The following MAGI2 variants were observed in gnomAD, a reference collection of about 807,000 sequenced individuals.
The protein encoded by MAGI2 is membrane associated guanylate kinase, WW and PDZ domain containing 2, also known as membrane-associated guanylate kinase, WW and PDZ domain-containing protein 2.
In MAGI2, 35 loss-of-function variants were observed where a neutral mutation model predicts 133.3. The ratio of observed to expected loss-of-function variants is 0.26; its 90% CI spans 0.20 to 0.35. The LOEUF (loss-of-function observed/expected upper bound fraction) is 0.35. MAGI2 is among the 10% of genes least tolerant of loss of function. The pLI, the probability that MAGI2 is intolerant of heterozygous loss-of-function variation, is 1.00. For synonymous variants in MAGI2, 729 were observed against 710.6 expected, an observed-to-expected ratio of 1.03 and a Z score of -0.41; for missense variants, 1,636 against 1,863.4, an observed-to-expected ratio of 0.88 and a Z score of 2.25.
chr7:78,035,625 G>A (rs2151072425), intron 21 of MAGI2, among the ~76,000 whole-genome samples: 1 of 152,186 alleles, frequency 6.6e-6, no homozygotes, highest in African/African-American at 2.4e-5. Context: ...TTTCCTTAAA[G>A]TGAGATGTTA....
In MAGI2 at chr7:79,136,452, G is replaced by T. The variant is rs373679440; in HGVS notation, c.302-129246C>A. ...GTGAACATTCAAGGACTAGCACCTT[G>T]TCTCCCATATGTTCAGCCTAATTCC... On this transcript the variant is annotated intron_variant, in intron 1 of 21. Transcript: ENST00000354212. Among the ~76,000 whole-genome samples the T allele has an allele frequency of 3.3e-5, 5 of 152,278 alleles. No individual in the cohort carries two copies. In the East Asian group the frequency reaches 7.7e-4, roughly 24 times the overall value.
intron 1 of MAGI2, among the ~76,000 whole-genome samples, chr7:79,141,621 A>G (rs1266917233): frequency 6.6e-6 from 1 of 152,150 alleles, no homozygotes; most frequent in Non-Finnish European, 1.5e-5. Flanking sequence ...TCTTACTTCA[A>G]TAATCAATGC....
At chr7:78,618,120 A>G (rs1310258328) in intron 3 of MAGI2, 1 of 152,068 alleles carries the variant, frequency 6.6e-6, no homozygotes, top group East Asian at 1.9e-4. Context: ...CCATTGAGAA[A>G]GACTAGGGTA....
intron 2 of MAGI2, among the ~76,000 whole-genome samples, chr7:78,727,631 G>A (rs1820946287): frequency 1.3e-5 from 2 of 152,192 alleles, no homozygotes; most frequent in Non-Finnish European, 2.9e-5. Flanking sequence ...ACAACATGAA[G>A]GATATTGTGA....
At chr7:78,396,139 AC>A (rs904586267) in intron 6 of MAGI2, among the ~76,000 whole-genome samples, 13 of 152,150 alleles carry the variant, frequency 8.5e-5, no homozygotes, top group Non-Finnish European at 1.6e-4. Flanking sequence ...TTTTAAAGCA[AC>A]CCTTTTAAGA....
At chr7:78,397,738 G>A (rs74498853) in intron 6 of MAGI2, among the ~76,000 whole-genome samples, 10,517 of 152,054 alleles carry the variant, frequency 0.069, 397 homozygotes, top group South Asian at 0.094. Flanking sequence ...CTCCAGTTTC[G>A]CTTCTCACAT....
At chr7:78,844,580 A>G (rs981698805) in intron 2 of MAGI2, among the ~76,000 whole-genome samples, 6 of 151,934 alleles carry the variant, frequency 3.9e-5, no homozygotes, top group African/African-American at 1.4e-4. Context: ...TTTGTATGAA[A>G]TGTCTGGAAT....
At chr7:78,404,348 C>A (rs1469672289) in intron 6 of MAGI2, among the ~76,000 whole-genome samples, 1 of 152,122 alleles carries the variant, frequency 6.6e-6, no homozygotes, top group Non-Finnish European at 1.5e-5. Flanking sequence ...CAAAAATGAG[C>A]CTGCATTGCC....
At chr7:79,090,352 C>T (rs1486828513) in intron 1 of MAGI2, among the ~76,000 whole-genome samples, 1 of 151,802 alleles carries the variant, frequency 6.6e-6, no homozygotes, top group Non-Finnish European at 1.5e-5. Flanking sequence ...AATGTCTCTC[C>T]ATAATATAAT....
At chr7:78,617,125 A>G (rs1807188604) in intron 3 of MAGI2, 1 of 152,160 alleles carries the variant, frequency 6.6e-6, no homozygotes, top group Non-Finnish European at 1.5e-5. Flanking sequence ...TTGGATGAAT[A>G]TCATAAAGTG....
At chr7:78,887,712 T>G (rs765809866) in intron 2 of MAGI2, among the ~76,000 whole-genome samples, 3 of 152,194 alleles carry the variant, frequency 2.0e-5, no homozygotes, top group African/African-American at 7.2e-5. Flanking sequence ...GAAGAAAATG[T>G]AGACTTACAG....
At chr7:78,322,304 T>C (rs1311399245) in intron 9 of MAGI2, among the ~76,000 whole-genome samples, 3 of 152,166 alleles carry the variant, frequency 2.0e-5, no homozygotes, top group Non-Finnish European at 1.5e-5. Flanking sequence ...TAAAGACACA[T>C]TCACCCATAT....
chr7:79,197,737 C>T (rs1051015626), intron 1 of MAGI2, among the ~76,000 whole-genome samples: 4 of 151,844 alleles, frequency 2.6e-5, no homozygotes, highest in South Asian at 2.1e-4. Context: ...AAGGCTGTAC[C>T]GACTCCATGT....
intron 1 of MAGI2, among the ~76,000 whole-genome samples, chr7:79,324,613 A>ATG (rs1839489565): frequency 1.1e-5 from 1 of 93,534 alleles, no homozygotes; most frequent in African/African-American, 4.3e-5. Flanking sequence ...TATAAAAAAT[A>ATG]TATATAATAT....
At chr7:78,769,757 C>A (rs1470153019) in intron 2 of MAGI2, among the ~76,000 whole-genome samples, 1 of 152,120 alleles carries the variant, frequency 6.6e-6, no homozygotes. Flanking sequence ...AGCCAGTCAC[C>A]CTCACAGAAC....
intron 3 of MAGI2, among the ~76,000 whole-genome samples, chr7:78,592,552 A>C (rs1367895352): frequency 6.6e-6 from 1 of 152,224 alleles, no homozygotes; most frequent in African/African-American, 2.4e-5. Context: ...CATTTGAAAG[A>C]AAACAATAAA....
At chr7:78,810,589 A>G (rs1430706486) in intron 2 of MAGI2, among the ~76,000 whole-genome samples, 3 of 152,132 alleles carry the variant, frequency 2.0e-5, no homozygotes, top group African/African-American at 7.2e-5. Flanking sequence ...AGAAATATTT[A>G]ACTCTGAATT....
chr7:79,391,150 T>G (rs1388648702), intron 1 of MAGI2, among the ~76,000 whole-genome samples: 1 of 152,052 alleles, frequency 6.6e-6, no homozygotes, highest in African/African-American at 2.4e-5. Flanking sequence ...AGTGAATGAA[T>G]GAAAACATGA....
At chr7:78,120,616 T>C (rs1032794329) in intron 20 of MAGI2, among the ~76,000 whole-genome samples, 12 of 152,088 alleles carry the variant, frequency 7.9e-5, no homozygotes, top group African/African-American at 2.9e-4. Context: ...AAAGAATCCA[T>C]ATACAGACCA....
Sources: gnomAD v4.1 joint callset for allele counts (sites outside exome capture counted in the v4.1 genomes callset) on GRCh38, gnomAD v4.1.1 for gene constraint, MANE v1.5 for transcripts, NCBI Gene and HGNC (gene_info 2026-07-23, HGNC 2026-07-21) for gene names.